The following LGALS3 variants were observed in gnomAD, a reference collection of about 807,000 sequenced individuals.
LGALS3 encodes the protein galectin 3.
A neutral mutation model predicts 20.7 loss-of-function variants in LGALS3; 18 were observed. The ratio of observed to expected loss-of-function variants is 0.87; its 90% CI spans 0.60 to 1.29. The LOEUF (loss-of-function observed/expected upper bound fraction) is 1.29. Among genes scored for constraint, LGALS3 ranks in the 50% most tolerant of loss-of-function variants. The pLI is 0.00. For synonymous variants in LGALS3, 112 were observed against 119.6 expected (o/e 0.94, Z 0.42); for missense variants, 315 against 314.7 (o/e 1.00, Z -0.01).
intron 1 of LGALS3, among the ~76,000 whole-genome samples, chr14:55,136,438 G>T (rs939561947): frequency 6.6e-6 from 1 of 152,080 alleles, no homozygotes; most frequent in East Asian, 1.9e-4. Context: ...CTGACTCATA[G>T]CATCTGTGAC....
intron 1 of LGALS3, among the ~76,000 whole-genome samples, chr14:55,130,094 A>G (rs1409683943): frequency 6.6e-6 from 1 of 152,234 alleles, no homozygotes; most frequent in South Asian, 2.1e-4. Context: ...CTCCCTGCCC[A>G]GACTGTCTGT....
chr14:55,141,747 T>C (rs1482045460), intron 4 of LGALS3, among the ~76,000 whole-genome samples: 1 of 152,224 alleles, frequency 6.6e-6, no homozygotes, highest in African/African-American at 2.4e-5. Flanking sequence ...ACAAATTTAA[T>C]CACTGGAAGA....
At chr14:55,130,883 T>C (rs1224837729) in intron 1 of LGALS3, among the ~76,000 whole-genome samples, 1 of 152,160 alleles carries the variant, frequency 6.6e-6, no homozygotes, top group Non-Finnish European at 1.5e-5. Flanking sequence ...CTACCTCAAG[T>C]TTATAAACAT....
At position 55,145,376 on chromosome 14, in the gene LGALS3, T is replaced by G; in HGVS notation, c.*105T>G. 6.4e-7 allele frequency: 1 copy of G among 1,551,618 alleles called. No individual in the cohort carries two copies. The highest frequency in any genetic ancestry group is 8.7e-7 in the Non-Finnish European group (1 of 1,147,204). ...ATTTTTACATTCATCAATATCCCTC[T>G]TGTAAGTCATCTACTTAATAAATAT... On this transcript the variant is annotated 3_prime_UTR_variant, in exon 6 of 6. Transcript: ENST00000254301.
intron 1 of LGALS3, among the ~76,000 whole-genome samples, chr14:55,134,560 T>C (rs151026604): frequency 6.7e-4 from 102 of 152,254 alleles, no homozygotes; most frequent in African/African-American, 2.2e-3. Context: ...GAATTAAAAA[T>C]TTTCATTTAT....
chr14:55,137,768 G>A lies in LGALS3; in HGVS notation c.19-277G>A, dbSNP rs541913192. Reference sequence around the variant, plus strand: ...GAAAAAGTATGTGCTATAAGTAGAGGAGCGCTAACTCCTGACTTGAGCTAA... The same window carrying A: ...GAAAAAGTATGTGCTATAAGTAGAGAAGCGCTAACTCCTGACTTGAGCTAA... On this transcript the variant is annotated intron_variant, in intron 2 of 5. Transcript: ENST00000254301. 26 of 1,319,728 alleles carry A rather than the reference G, an allele frequency of 2.0e-5. No individual in the cohort carries two copies. In the East Asian group the frequency reaches 3.2e-4, roughly 16 times the overall value. The allele number at this position is 1,319,728 out of a possible 1,614,324, so 81.8% of individuals were successfully genotyped here.
chr14:55,131,061 C>T (rs1881219215), intron 1 of LGALS3, among the ~76,000 whole-genome samples: 1 of 152,172 alleles, frequency 6.6e-6, no homozygotes, highest in African/African-American at 2.4e-5. Context: ...GGGACTTAAG[C>T]AACTTCCTAA....
chr14:55,144,110 T>A (rs1191403140), intron 5 of LGALS3, among the ~76,000 whole-genome samples: 1 of 152,216 alleles, frequency 6.6e-6, no homozygotes, highest in Non-Finnish European at 1.5e-5. Context: ...CCTATTTTCG[T>A]GTTTTTCTTT....
At position 55,129,466 on chromosome 14, in the gene LGALS3, C is replaced by A. The variant is rs1217646744; in HGVS notation, c.-5+166C>A. On this transcript the variant is annotated intron_variant, in intron 1 of 5. Coordinates refer to ENST00000254301, the MANE Select transcript of LGALS3 (RefSeq NM_002306.4). This position sits in a 1 kb window ranked among gnomAD's most constrained non-coding sequence, Gnocchi z 5.3. Reference sequence around the variant, plus strand: ...GCTCTGCCCTCCAGGAGCGGGGCGGCGGGCAGCGATCTGGGCCCGGGGCAG... The same window carrying A: ...GCTCTGCCCTCCAGGAGCGGGGCGGAGGGCAGCGATCTGGGCCCGGGGCAG... 2.0e-5 allele frequency among the ~76,000 whole-genome samples: 3 copies of A among 152,040 alleles called. No homozygotes were observed. The highest frequency in any genetic ancestry group is 7.2e-5 in the African/African-American group (3 of 41,418).
chr14:55,138,698 C>T (rs954237620), intron 3 of LGALS3, among the ~76,000 whole-genome samples: 6 of 152,096 alleles, frequency 3.9e-5, no homozygotes, highest in Non-Finnish European at 7.3e-5. Context: ...CCCATTACCA[C>T]GCTATAAGAT....
At chr14:55,143,144 T>A (rs1305704762) in intron 5 of LGALS3, among the ~76,000 whole-genome samples, 2 of 152,204 alleles carry the variant, frequency 1.3e-5, no homozygotes, top group Non-Finnish European at 2.9e-5. Flanking sequence ...TATGAAAAGT[T>A]TATAAATTTT....
Position 55,138,229 on chromosome 14 carries a change from G to A in LGALS3, c.203G>A (p.Gly68Glu). The A allele has an allele frequency of 6.2e-7, 1 of 1,612,746 alleles. No individual in the cohort carries two copies. Residue 68 changes from glycine to glutamate, a missense_variant, in exon 3 of 6, where the codon GGA becomes GAA. Gly to Glu is a moderately conservative substitution (Grantham distance 98). Transcript: ENST00000254301. ...CCAGGCGCCTACCCTGGAGCACCTG[G>A]AGCTTATCCCGGAGCACCTGCACCT... Reference protein sequence around the residue: ...APPGAYPGAPGAYPGAPAPGV... With the variant: ...APPGAYPGAPEAYPGAPAPGV...
chr14:55,140,766 T>G (rs1176648323), intron 4 of LGALS3, among the ~76,000 whole-genome samples: 1 of 152,184 alleles, frequency 6.6e-6, no homozygotes, highest in Non-Finnish European at 1.5e-5. Flanking sequence ...ACTATTTGCT[T>G]ATGGGTTTGA....
intron 5 of LGALS3, 124 bp downstream of exon 5, chr14:55,142,873 T>G (rs796874345): frequency 2.9e-6 from 2 of 696,390 alleles, no homozygotes; most frequent in Non-Finnish European, 4.7e-6. Flanking sequence ...CCAGTTTATC[T>G]TCTCCCTGCC....
intron 5 of LGALS3, 143 bp downstream of exon 5, chr14:55,142,892 C>T (rs765502723): frequency 6.7e-6 from 4 of 600,718 alleles, no homozygotes; most frequent in Non-Finnish European, 1.1e-5. Context: ...CCCAGGGGAC[C>T]AGGCTCAGCA....
chr14:55,140,686 T>C (rs779009514), intron 4 of LGALS3, among the ~76,000 whole-genome samples: 3 of 152,176 alleles, frequency 2.0e-5, no homozygotes, highest in Non-Finnish European at 2.9e-5. Context: ...CCCCTTTTTA[T>C]AGACAAAACT....
intron 1 of LGALS3, among the ~76,000 whole-genome samples, chr14:55,134,883 G>A (rs934573589): frequency 1.9e-4 from 29 of 152,260 alleles, no homozygotes; most frequent in Middle Eastern, 3.4e-3. Context: ...GGCTGGATGC[G>A]GTGGCTCATG....
rs747075698 is a variant in LGALS3 at position 55,145,288 on chromosome 14, T to TA, written c.*30dup. 0.018 allele frequency: 23,633 copies of TA among 1,315,994 alleles called. No homozygotes were observed. Among genetic ancestry groups the TA allele is most frequent in the Non-Finnish European group, 0.02 (19,023 of 943,364 alleles). The allele number at this position is 1,315,994 out of a possible 1,614,324, so 81.5% of individuals were successfully genotyped here. On this transcript the variant is annotated 3_prime_UTR_variant, in exon 6 of 6. Transcript: ENST00000254301. ...ATGATATAATCTGAAAGGGGCAGAT[T>TA]AAAAAAAAAAAAAGAATCTAAACCT...
chr14:55,138,293 C>T lies in LGALS3; in HGVS notation c.267C>T (p.Tyr89=), dbSNP rs750371210. ...YPGPPSGPGA[Y]PSSGQPSATG... ...GGCCACCCAGCGGCCCTGGGGCCTA[C>T]CCATCTTCTGGACAGCCAAGTGCCA... Residue 89 remains tyrosine, a synonymous_variant, in exon 3 of 6, where the codon TAC becomes TAT. Transcript: ENST00000254301. 6.2e-7 allele frequency: 1 copy of T among 1,612,774 alleles called. No individual in the cohort carries two copies. Among genetic ancestry groups the T allele is most frequent in the Non-Finnish European group, 8.5e-7 (1 of 1,179,814 alleles).
Sources: gnomAD v4.1 joint callset for allele counts (sites outside exome capture counted in the v4.1 genomes callset) on GRCh38, gnomAD v4.1.1 for gene constraint, Gnocchi (gnomAD v3.1) non-coding constraint, MANE v1.5 for transcripts, NCBI Gene and HGNC (gene_info 2026-07-23, HGNC 2026-07-21) for gene names.